Variants in SCN2A observed in about 807,000 individuals in gnomAD.
The protein encoded by SCN2A is sodium voltage-gated channel alpha subunit 2, also known as sodium channel protein type 2 subunit alpha.
A neutral mutation model predicts 188.7 loss-of-function variants in SCN2A; 20 were observed. That is an observed-to-expected ratio of 0.11 (90% confidence interval 0.07 to 0.15). SCN2A has a LOEUF of 0.15. Among genes scored for constraint, SCN2A ranks in the 10% least tolerant of loss-of-function variants. The pLI is 1.00. For synonymous variants in SCN2A, 804 were observed against 833.1 expected, an observed-to-expected ratio of 0.97 and a Z score of 0.60; for missense variants, 1,278 against 2,445.0, an observed-to-expected ratio of 0.52 and a Z score of 10.07.
At chr2:165,334,693 T>A (rs974132454) in intron 14 of SCN2A, among the ~76,000 whole-genome samples, 6 of 151,776 alleles carry the variant, frequency 4.0e-5, no homozygotes, top group African/African-American at 1.4e-4. Context: ...TGCTTTTATC[T>A]TCAGGTCAAG....
At chr2:165,264,441 G>A (rs762719263) in intron 1 of SCN2A, among the ~76,000 whole-genome samples, 1 of 151,914 alleles carries the variant, frequency 6.6e-6, no homozygotes, top group Non-Finnish European at 1.5e-5. Flanking sequence ...AGCATAGAAG[G>A]GACATACCTT....
chr2:165,284,097 T>A (rs1049587586), intron 1 of SCN2A, among the ~76,000 whole-genome samples: 3 of 152,030 alleles, frequency 2.0e-5, no homozygotes, highest in Non-Finnish European at 4.4e-5. Context: ...CTCTCTCTCA[T>A]ACACACAGGC....
intron 16 of SCN2A, among the ~76,000 whole-genome samples, chr2:165,349,601 AT>A (rs1559380230): frequency 6.6e-6 from 1 of 152,234 alleles, no homozygotes; most frequent in Non-Finnish European, 1.5e-5. Flanking sequence ...TGATGTATGC[AT>A]AAAAAGATAT....
chr2:165,327,081 G>T (rs1698397377), intron 13 of SCN2A, 97 bp downstream of exon 13: 2 of 1,403,104 alleles, frequency 1.4e-6, no homozygotes, highest in Non-Finnish European at 1.0e-6. Flanking sequence ...ACTTGATATT[G>T]TATCATTATT....
chr2:165,270,029 C>A (rs1695036129), intron 1 of SCN2A: 1 of 151,866 alleles, frequency 6.6e-6, no homozygotes, highest in Non-Finnish European at 1.5e-5. Flanking sequence ...TTAATCTCCT[C>A]TGTTGTTTAC....
chr2:165,281,920 G>A (rs188058990), intron 1 of SCN2A, among the ~76,000 whole-genome samples: 31 of 152,232 alleles, frequency 2.0e-4, no homozygotes, highest in African/African-American at 7.0e-4. Flanking sequence ...AGCATGTTCT[G>A]GGTGCTCAGT....
chr2:165,346,495 T>TAAAAACCTTAGAA (rs1342655881), intron 16 of SCN2A, among the ~76,000 whole-genome samples: 3 of 152,186 alleles, frequency 2.0e-5, no homozygotes, highest in Non-Finnish European at 4.4e-5. Flanking sequence ...CCTAAAACCA[T>TAAAAACCTTAGAA]AAAAACCTTA....
At chr2:165,331,670 G>A (rs1358702611) in intron 14 of SCN2A, 102 bp downstream of exon 14, 1 of 931,274 alleles carries the variant, frequency 1.1e-6, no homozygotes, top group East Asian at 2.6e-5. Flanking sequence ...AATTGGCCAT[G>A]TATATCTTGA....
At chr2:165,281,775 G>T (rs190658450) in intron 1 of SCN2A, among the ~76,000 whole-genome samples, 20 of 152,160 alleles carry the variant, frequency 1.3e-4, no homozygotes, top group African/African-American at 4.8e-4. Flanking sequence ...GGCTGGCTTC[G>T]TGGGCAGCCA....
intron 11 of SCN2A, 51 bp downstream of exon 11, chr2:165,315,809 AT>A (rs778413125): frequency 6.4e-7 from 1 of 1,574,466 alleles, no homozygotes; most frequent in Non-Finnish European, 8.7e-7. Flanking sequence ...TTTTAAAAAA[AT>A]ATGCCAGAAT....
intron 6 of SCN2A, among the ~76,000 whole-genome samples, chr2:165,310,091 T>C (rs929579632): frequency 3.9e-5 from 6 of 152,144 alleles, no homozygotes; most frequent in Admixed American, 2.0e-4. Context: ...GAAATACACA[T>C]TTGGTTCATT....
Position 165,344,876 on chromosome 2 carries a change from G to A in SCN2A, c.2884G>A (p.Val962Ile). 6.2e-7 allele frequency: 1 copy of A among 1,614,132 alleles called. No individual in the cohort carries two copies. The highest frequency in any genetic ancestry group is 8.5e-7 in the Non-Finnish European group (1 of 1,180,026). ...EVAGQTMCLT[V>I]FMMVMVIGNL... ...CGCTGGCCAAACCATGTGCCTTACT[G>A]TCTTCATGATGGTCATGGTGATTGG... The change falls in exon 16 of 27, where the codon GTC (valine) becomes ATC (isoleucine). Residue 962 changes from valine (V) to isoleucine (I), a missense_variant. Around this residue, in one of 17 missense-constraint regions of SCN2A, gnomAD observed 83 missense variants for 256.8 expected, o/e 0.32. Coordinates refer to ENST00000375437, the MANE Select transcript of SCN2A (RefSeq NM_001040142.2).
intron 1 of SCN2A, among the ~76,000 whole-genome samples, chr2:165,250,588 C>T (rs1694045518): frequency 6.6e-6 from 1 of 151,718 alleles, no homozygotes; most frequent in Non-Finnish European, 1.5e-5. Context: ...TCTCTAACTC[C>T]ATGAGTAATT....
intron 1 of SCN2A, among the ~76,000 whole-genome samples, chr2:165,252,843 G>A (rs1479809871): frequency 4.6e-5 from 7 of 151,898 alleles, no homozygotes; most frequent in Admixed American, 4.6e-4. Flanking sequence ...GCTACCTTGA[G>A]GGACTATGTA....
At position 165,309,229 on chromosome 2, in the gene SCN2A, G is replaced by A; in HGVS notation, c.606-123G>A. The A allele has an allele frequency of 1.9e-6, 3 of 1,613,564 alleles. No homozygotes were observed. Among genetic ancestry groups the A allele is most frequent in the Non-Finnish European group, 2.5e-6 (3 of 1,179,676 alleles). The stretch of plus-strand genomic sequence containing the variant: ...TCTTCGAACTTTCAGAGTCTTGAGA[G>A]CTTTGAAAACTATTTCTGTAATTCC... On this transcript the variant is annotated intron_variant, in intron 5 of 26. Coordinates refer to ENST00000375437, the MANE Select transcript of SCN2A (RefSeq NM_001040142.2).
chr2:165,268,871 A>G (rs1399049970), intron 1 of SCN2A: 4 of 152,056 alleles, frequency 2.6e-5, no homozygotes, highest in African/African-American at 4.8e-5. Flanking sequence ...CATTAGGTTG[A>G]GTAAAATAAG....
At chr2:165,369,752 C>A (rs1027173858) in intron 19 of SCN2A, among the ~76,000 whole-genome samples, 3 of 152,222 alleles carry the variant, frequency 2.0e-5, no homozygotes, top group Middle Eastern at 3.4e-3. Context: ...GCTGAGGGAC[C>A]TCCCTGCTTT....
chr2:165,272,410 T>C (rs185580311), intron 1 of SCN2A: 1 of 152,138 alleles, frequency 6.6e-6, no homozygotes, highest in Non-Finnish European at 1.5e-5. Flanking sequence ...ACAATAATTG[T>C]TAGAGATTTT....
chr2:165,268,153 TAGAG>T (rs1267326402), intron 1 of SCN2A: 2 of 151,860 alleles, frequency 1.3e-5, no homozygotes, highest in Non-Finnish European at 2.9e-5. Flanking sequence ...TTTCACAAGA[TAGAG>T]AAAGAAGGAA....
Sources: gnomAD v4.1 joint callset for allele counts (sites outside exome capture counted in the v4.1 genomes callset) on GRCh38, gnomAD v4.1.1 for gene constraint, gnomAD v4.1.1 regional missense constraint, MANE v1.5 for transcripts, NCBI Gene and HGNC (gene_info 2026-07-23, HGNC 2026-07-21) for gene names.